The following NLRP5 variants were observed in gnomAD, a reference collection of about 807,000 sequenced individuals.
NLRP5 encodes the protein NLR family pyrin domain containing 5.
Under a neutral mutation model 113.1 loss-of-function variants are expected in NLRP5, and 93 were observed. That is an observed-to-expected ratio of 0.82 (90% confidence interval 0.70 to 0.98). The LOEUF (loss-of-function observed/expected upper bound fraction) is 0.98, where lower values mean the gene tolerates loss of function less well. Among genes scored for constraint, NLRP5 ranks in the 50% least tolerant of loss-of-function variants. NLRP5 has a pLI of 0.00. For missense variants in NLRP5, 1,808 were observed against 1,514.3 expected (o/e 1.19, Z -3.22); for synonymous variants, 751 against 600.7 (o/e 1.25, Z -3.66).
At chr19:55,988,638 G>A in the NLRP5 span, 5 of 151,754 alleles carry the variant, frequency 3.3e-5, no homozygotes, top group East Asian at 1.9e-4. Context: ...GACCATACTC[G>A]TTTCCTTACC....
chr19:56,003,139 A>G (rs964670866), intron 1 of NLRP5, among the ~76,000 whole-genome samples: 1 of 149,824 alleles, frequency 6.7e-6, no homozygotes, highest in African/African-American at 2.5e-5. Flanking sequence ...TCATGCTGCT[A>G]TAAAGACACA....
chr19:55,999,825 C>G (rs748750011), intron 1 of NLRP5: 6 of 1,504,580 alleles, frequency 4.0e-6, no homozygotes, highest in Non-Finnish European at 3.7e-6. Context: ...AGGAAACCGA[C>G]CCTCAGCCTT....
chr19:56,034,444 C>T (rs74258036), intron 9 of NLRP5, among the ~76,000 whole-genome samples: 27 of 152,296 alleles, frequency 1.8e-4, no homozygotes, highest in East Asian at 1.7e-3. Context: ...TACATACTAT[C>T]GCATAATATC....
chr19:56,032,427 G>A (rs545919381), intron 7 of NLRP5, among the ~76,000 whole-genome samples, 184 bp from the exon 8 acceptor site: 2 of 152,202 alleles, frequency 1.3e-5, no homozygotes, highest in Admixed American at 6.5e-5. Flanking sequence ...GGTATATCCG[G>A]GAGGCAGGGT....
chr19:56,058,215 T>C, intron 13 of NLRP5, 25 bp from the exon 14 acceptor site: 4 of 1,590,504 alleles, frequency 2.5e-6, no homozygotes, highest in Non-Finnish European at 3.4e-6. Context: ...TTTGGGGTTA[T>C]TTTCTGGGTG....
intron 4 of NLRP5, among the ~76,000 whole-genome samples, chr19:56,016,957 C>A (rs548769797): frequency 1.8e-4 from 28 of 152,098 alleles, no homozygotes; most frequent in Admixed American, 4.6e-4. Flanking sequence ...TACAGGCATG[C>A]GCCACCATGC....
At chr19:56,043,509 C>G (rs1413485198) in intron 11 of NLRP5, among the ~76,000 whole-genome samples, 1 of 137,510 alleles carries the variant, frequency 7.3e-6, no homozygotes, top group East Asian at 2.3e-4. Flanking sequence ...AGATTTTCTC[C>G]TACTCTATGG....
intron 7 of NLRP5, among the ~76,000 whole-genome samples, chr19:56,031,466 TAA>T (rs892558496): frequency 6.6e-6 from 1 of 151,482 alleles, no homozygotes; most frequent in African/African-American, 2.4e-5. Flanking sequence ...CCATCTCTAC[TAA>T]AAAAATACAA....
chr19:56,013,618 G>GTTTTTTTTTTTTTTTTTTTT (rs1982296482), intron 3 of NLRP5, among the ~76,000 whole-genome samples: 1 of 6,536 alleles, frequency 1.5e-4, no homozygotes, highest in African/African-American at 8.0e-4. Context: ...TTTTTTTTTT[G>GTTTTTTTTTTTTTTTTTTTT]CTATTATGAA....
chr19:56,007,904 C>CGCGTGT lies in NLRP5; in HGVS notation c.443-883_443-882insCGTGTG, dbSNP rs377205469. ...GTGTGTGTGTGCGCGTGCGCGCGTG[C>CGCGTGT]GTGTGTGTGTGTGTGTGTGTGTGTG... On this transcript the variant is annotated intron_variant, in intron 2 of 14. Coordinates refer to ENST00000390649, the MANE Select transcript of NLRP5 (RefSeq NM_153447.4). Among the ~76,000 whole-genome samples the CGCGTGT allele has an allele frequency of 2.3e-4, 25 of 110,072 alleles. 1 individual carries two copies. Among genetic ancestry groups the CGCGTGT allele is most frequent in the East Asian group, 2.8e-4 (1 of 3,510 alleles). The allele number at this position is 110,072 out of a possible 152,430, so 72.2% of individuals were successfully genotyped here. A position where few individuals can be genotyped will look rare whatever the true frequency, so the allele number is the denominator to read the frequency against.
At chr19:56,050,664 C>A in intron 12 of NLRP5, 76 bp downstream of exon 12, 2 of 1,432,076 alleles carry the variant, frequency 1.4e-6, no homozygotes, top group South Asian at 1.4e-5. Flanking sequence ...GAGATAGGAG[C>A]AGGGAGACCG....
rs778188316 is a variant in NLRP5, at chr19:56,040,986, C to A, written c.2851C>A (p.Arg951=). ...TCTGGCCTCAGCCCTCGTCAGCAAC[C>A]GGAGCTTGACACACCTGTGCCTATC... Residue 951 remains arginine (R), a synonymous_variant, in exon 11 of 15, where the codon CGG becomes AGG. Transcript: ENST00000390649. The A allele has an allele frequency of 6.2e-7, 1 of 1,613,802 alleles. No homozygotes were observed.
chr19:56,004,705 A>T (rs186897069), intron 2 of NLRP5, among the ~76,000 whole-genome samples: 340 of 152,278 alleles, frequency 2.2e-3, no homozygotes, highest in Admixed American at 4.6e-3. Context: ...GAGAAAGGTC[A>T]TTTAGAAAAT....
At chr19:56,038,383 G>T (rs1164176831) in intron 10 of NLRP5, among the ~76,000 whole-genome samples, 188 bp downstream of exon 10, 1 of 152,176 alleles carries the variant, frequency 6.6e-6, no homozygotes, top group Admixed American at 6.5e-5. Context: ...ATCTGTTCTT[G>T]CTCCCAAACT....
intron 9 of NLRP5, among the ~76,000 whole-genome samples, chr19:56,037,466 G>A (rs1355529322): frequency 1.3e-5 from 2 of 152,062 alleles, no homozygotes; most frequent in East Asian, 1.9e-4. Flanking sequence ...AGGCCAAGGC[G>A]GGTGGAGCAC....
At chr19:56,005,134 CACACACACATATAT>C (rs1217330166) in intron 2 of NLRP5, among the ~76,000 whole-genome samples, 5 of 142,786 alleles carry the variant, frequency 3.5e-5, no homozygotes, top group Admixed American at 7.2e-5. Context: ...ATAATATATA[CACACACACATATAT>C]ACACACACAT....
chr19:56,043,322 C>T (rs1390459459), intron 11 of NLRP5, among the ~76,000 whole-genome samples: 2 of 152,052 alleles, frequency 1.3e-5, no homozygotes, highest in East Asian at 1.9e-4. Context: ...TGTGGTATCA[C>T]ATTGTGGTTT....
rs563967418 is a variant in NLRP5 at position 56,052,393 on chromosome 19, C to T, written c.3129-1245C>T. 7.2e-5 allele frequency among the ~76,000 whole-genome samples: 11 copies of T among 152,214 alleles called. No individual in the cohort carries two copies. In the East Asian group the frequency reaches 7.7e-4, roughly 11 times the overall value. On this transcript the variant is annotated intron_variant, in intron 12 of 14. Coordinates refer to ENST00000390649, the MANE Select transcript of NLRP5 (RefSeq NM_153447.4). ...AAGCAATTCTCCTGCCTCAGCCTCC[C>T]GAGAAGCTGGGATTACAGGCACCTG...
chr19:56,015,988 C>T (rs1296983515), intron 4 of NLRP5, among the ~76,000 whole-genome samples, 190 bp downstream of exon 4: 2 of 152,008 alleles, frequency 1.3e-5, no homozygotes, highest in Admixed American at 6.6e-5. Context: ...ACGTTCACTA[C>T]GATTATTTTC....
Sources: gnomAD v4.1 joint callset for allele counts (sites outside exome capture counted in the v4.1 genomes callset) on GRCh38, gnomAD v4.1.1 for gene constraint, MANE v1.5 for transcripts, NCBI Gene and HGNC (gene_info 2026-07-23, HGNC 2026-07-21) for gene names.